Variants in PAPPA2 observed in about 807,000 individuals in gnomAD.
The protein encoded by PAPPA2 is pappalysin-2.
In PAPPA2, 86 loss-of-function variants were observed where a neutral mutation model predicts 176.4. That is an observed-to-expected ratio of 0.49 (90% confidence interval 0.41 to 0.58). The LOEUF is 0.58. Among genes scored for constraint, PAPPA2 ranks in the 20% least tolerant of loss-of-function variants. The pLI is 0.00. For missense variants in PAPPA2, 2,073 were observed against 2,256.9 expected, an observed-to-expected ratio of 0.92 and a Z score of 1.65; for synonymous variants, 809 against 852.2, an observed-to-expected ratio of 0.95 and a Z score of 0.88.
intron 1 of PAPPA2, among the ~76,000 whole-genome samples, chr1:176,466,123 T>C (rs895673172): frequency 5.9e-5 from 9 of 152,342 alleles, no homozygotes; most frequent in African/African-American, 2.2e-4. Context: ...TTACCTTTAA[T>C]AATTCTTCAA....
chr1:176,630,342 A>G (rs537291036), intron 3 of PAPPA2, among the ~76,000 whole-genome samples: 14 of 152,346 alleles, frequency 9.2e-5, no homozygotes, highest in African/African-American at 3.4e-4. Flanking sequence ...CTAGGCAGAT[A>G]AGAAGTTTGT....
chr1:176,710,989 AG>A (rs1661117246), intron 11 of PAPPA2, among the ~76,000 whole-genome samples: 1 of 152,074 alleles, frequency 6.6e-6, no homozygotes, highest in Non-Finnish European at 1.5e-5. Context: ...TCAAGGAAGG[AG>A]GGGGCAGGCC....
At chr1:176,550,750 A>C (rs566076525) in intron 1 of PAPPA2, among the ~76,000 whole-genome samples, 1 of 152,360 alleles carries the variant, frequency 6.6e-6, no homozygotes, top group African/African-American at 2.4e-5. Context: ...AGCACCAAAC[A>C]GTTCCACAAG....
chr1:176,826,400 G>T (rs1409161017), intron 21 of PAPPA2, among the ~76,000 whole-genome samples: 1 of 152,218 alleles, frequency 6.6e-6, no homozygotes, highest in Non-Finnish European at 1.5e-5. Flanking sequence ...CAGTCAATCA[G>T]TGATGAGTGG....
At chr1:176,772,476 T>G (rs1664273629) in intron 17 of PAPPA2, among the ~76,000 whole-genome samples, 1 of 152,156 alleles carries the variant, frequency 6.6e-6, no homozygotes, top group African/African-American at 2.4e-5. Flanking sequence ...CTCTAGTTGA[T>G]CTCTCAACCA....
chr1:176,798,098 A>C (rs1665524787), intron 20 of PAPPA2, among the ~76,000 whole-genome samples: 1 of 152,224 alleles, frequency 6.6e-6, no homozygotes, highest in African/African-American at 2.4e-5. Flanking sequence ...AGTTAAGGAG[A>C]GATGTCAGTA....
intron 2 of PAPPA2, among the ~76,000 whole-genome samples, chr1:176,581,562 T>C (rs1227388068): frequency 6.6e-6 from 1 of 152,196 alleles, no homozygotes; most frequent in Admixed American, 6.5e-5. Flanking sequence ...AGCATGGTCA[T>C]TTTCACAATA....
Position 176,595,433 on chromosome 1 carries a change from G to T in PAPPA2, c.1829G>T (p.Gly610Val), listed in dbSNP as rs746443344. ...CACCCACTCACAGGCTATGATGGGG[G>T]TGACTGCCGCCTGCAGGGCCGCTGC... ...CEHPLTGYDGGDCRLQGRCYS... is the reference protein window; with the variant it reads ...CEHPLTGYDGVDCRLQGRCYS... The change falls in exon 3 of 23, where the codon GGT (glycine) becomes GTT (valine). Residue 610 changes from glycine to valine, a missense_variant. This residue lies in a region of PAPPA2 where 1,196 missense variants were observed against 1,330.4 expected (regional missense o/e 0.90). Coordinates refer to ENST00000367662, the MANE Select transcript of PAPPA2 (RefSeq NM_020318.3). The T allele has an allele frequency of 3.1e-6, 5 of 1,614,232 alleles. No individual in the cohort carries two copies. Among genetic ancestry groups the T allele is most frequent in the Non-Finnish European group, 2.5e-6 (3 of 1,180,046 alleles).
intron 3 of PAPPA2, among the ~76,000 whole-genome samples, chr1:176,604,593 TAAAAC>T (rs1421568842): frequency 1.3e-5 from 2 of 152,176 alleles, no homozygotes; most frequent in Non-Finnish European, 2.9e-5. Flanking sequence ...GTTGTGCAGT[TAAAAC>T]AAAGACCATG....
chr1:176,818,552 G>A (rs949906713), intron 21 of PAPPA2, among the ~76,000 whole-genome samples: 2 of 151,890 alleles, frequency 1.3e-5, no homozygotes, highest in Non-Finnish European at 2.9e-5. Context: ...AATTCTATTA[G>A]CTCTACCTTT....
chr1:176,799,010 A>T (rs1397453243), intron 20 of PAPPA2, among the ~76,000 whole-genome samples: 1 of 152,204 alleles, frequency 6.6e-6, no homozygotes, highest in South Asian at 2.1e-4. Context: ...AATGTCTCCA[A>T]TCTAATGATT....
intron 4 of PAPPA2, among the ~76,000 whole-genome samples, chr1:176,687,241 T>C (rs931966404): frequency 2.0e-5 from 3 of 152,348 alleles, no homozygotes; most frequent in African/African-American, 7.2e-5. Flanking sequence ...AATGTAAGTG[T>C]TGTTTGGTTA....
At chr1:176,643,699 G>C (rs1189418429) in intron 3 of PAPPA2, among the ~76,000 whole-genome samples, 1 of 151,854 alleles carries the variant, frequency 6.6e-6, no homozygotes, top group African/African-American at 2.4e-5. Flanking sequence ...AATATCCATG[G>C]TAAACACAGG....
intron 4 of PAPPA2, among the ~76,000 whole-genome samples, chr1:176,671,917 G>T (rs1307198562): frequency 1.7e-5 from 2 of 116,472 alleles, no homozygotes; most frequent in South Asian, 3.7e-4. Flanking sequence ...GTTGTGGGGT[G>T]GGGGGAGGGG....
intron 3 of PAPPA2, among the ~76,000 whole-genome samples, chr1:176,648,528 G>C (rs1351861198): frequency 2.6e-5 from 4 of 151,410 alleles, no homozygotes; most frequent in African/African-American, 7.3e-5. Flanking sequence ...TAAAGAAAAG[G>C]CTTTCAATTT....
intron 1 of PAPPA2, among the ~76,000 whole-genome samples, chr1:176,477,726 CAG>C (rs1236962973): frequency 6.6e-6 from 1 of 151,910 alleles, no homozygotes; most frequent in Non-Finnish European, 1.5e-5. Context: ...GCCTGGGTGA[CAG>C]AGTGAGACTC....
chr1:176,638,275 AC>A (rs2102721277), intron 3 of PAPPA2, among the ~76,000 whole-genome samples: 1 of 152,058 alleles, frequency 6.6e-6, no homozygotes, highest in East Asian at 1.9e-4. Flanking sequence ...ATGAATCTGT[AC>A]CCCCAAACAC....
intron 17 of PAPPA2, 58 bp downstream of exon 17, chr1:176,771,238 G>A (rs754387238): frequency 2.8e-4 from 427 of 1,545,290 alleles, no homozygotes; most frequent in Non-Finnish European, 3.6e-4. Context: ...TGTTATGTTT[G>A]TTTTTCTGTA....
At chr1:176,834,063 C>T (rs543116574) in intron 21 of PAPPA2, among the ~76,000 whole-genome samples, 19 of 152,198 alleles carry the variant, frequency 1.2e-4, no homozygotes, top group African/African-American at 4.6e-4. Context: ...TGTAGTTTGC[C>T]TCCCACTTCA....
Sources: allele counts gnomAD v4.1 joint callset (sites outside exome capture counted in the v4.1 genomes callset), GRCh38; gene constraint gnomAD v4.1.1; regional missense constraint gnomAD v4.1.1; transcripts MANE v1.5; gene names NCBI Gene and HGNC (gene_info 2026-07-23, HGNC 2026-07-21).